The following MOGS variants were observed in gnomAD, a reference collection of about 807,000 sequenced individuals.
The protein encoded by MOGS is epididymis secretory sperm binding protein.
A neutral mutation model predicts 68.5 loss-of-function variants in MOGS; 45 were observed. The ratio of observed to expected loss-of-function variants is 0.66; its 90% CI spans 0.52 to 0.84. The LOEUF (loss-of-function observed/expected upper bound fraction) is 0.84, where lower values mean the gene tolerates loss of function less well. Ranked by LOEUF, MOGS falls within the 40% of genes least tolerant of loss-of-function variation. MOGS has a pLI of 0.00. For missense variants in MOGS, 1,020 were observed against 1,095.0 expected, an observed-to-expected ratio of 0.93 and a Z score of 0.97; for synonymous variants, 492 against 461.2, an observed-to-expected ratio of 1.07 and a Z score of -0.86.
rs990381125 is a variant in MOGS, at chr2:74,464,165, G to T, written c.579+331C>A. ...GTAGAGACGGTGTTTCTCCATTTTG[G>T]TCAGGCTGGTCTGGAACTCCTGACC... On this transcript the variant is annotated intron_variant, in intron 2 of 3. Coordinates refer to ENST00000448666, the MANE Select transcript of MOGS (RefSeq NM_006302.3). Among the ~76,000 whole-genome samples the T allele has an allele frequency of 2.4e-4, 36 of 150,142 alleles. 1 individual carries two copies. The highest frequency in any genetic ancestry group is 3.5e-4 in the Non-Finnish European group (24 of 67,858).
rs1671891165 is a variant in MOGS, at chr2:74,461,162, TGAG to T, written c.*110_*112del. On this transcript the variant is annotated 3_prime_UTR_variant, in exon 4 of 4. Coordinates refer to ENST00000448666, the MANE Select transcript of MOGS (RefSeq NM_006302.3). ...CAGCAAGGAGACACCTGAGATGAAA[TGAG>T]GAAGGTTTGAATTACTGGTATCCAA... 8.4e-7 allele frequency: 1 copy of T among 1,192,276 alleles called. No individual in the cohort carries two copies. Among genetic ancestry groups the T allele is most frequent in the South Asian group, 1.3e-5 (1 of 78,568 alleles). 73.9% of individuals were successfully genotyped at this position (1,192,276 alleles called of 1,614,324 possible).
At position 74,462,272 on chromosome 2, in the gene MOGS, C is replaced by T. The variant is rs757364620; in HGVS notation, c.1517G>A (p.Arg506Gln). 157 of 1,613,750 alleles carry T rather than the reference C, an allele frequency of 9.7e-5. No individual in the cohort carries two copies. The East Asian group carries it at 2.3e-3, about 24-fold the overall frequency. The part of the protein sequence containing the change: ...ARVPPEFLVQ[R>Q]AVHANPPTLL... ...GGTTGGGGGGTTGGCGTGGACTGCT[C>T]GTTGTACTAGGAATTCTGGAGGCAC... is the stretch of plus-strand genomic sequence containing the variant. The change falls in exon 4 of 4, where the codon CGA becomes CAA. Residue 506 changes from arginine (R) to glutamine (Q), a missense_variant. Transcript: ENST00000448666.
rs776724532 is a variant in MOGS, at chr2:74,462,779, T to C, written c.1010A>G (p.Glu337Gly). Reference protein sequence around the residue: ...KIPISIEFVFESGSAQAGGNQ... With the variant: ...KIPISIEFVFGSGSAQAGGNQ... ...TCCTCCTGCCTGGGCACTGCCTGATTCAAACACAAACTCTATGGAAATGGG... is the reference window on the plus strand; with the variant it reads ...TCCTCCTGCCTGGGCACTGCCTGATCCAAACACAAACTCTATGGAAATGGG... Residue 337 changes from glutamate to glycine, a missense_variant, in exon 4 of 4, where the codon GAA becomes GGA. Transcript: ENST00000448666. The C allele has an allele frequency of 6.8e-6, 11 of 1,614,108 alleles. No individual in the cohort carries two copies. The highest frequency in any genetic ancestry group is 9.3e-6 in the Non-Finnish European group (11 of 1,180,040).
rs940181898 is a variant in MOGS, at chr2:74,464,727, G to A, written c.353-5C>T. On this transcript the variant is annotated splice_polypyrimidine_tract_variant and splice_region_variant and intron_variant, in intron 1 of 3. Transcript: ENST00000448666. ...CCTGCTGCGCCCACATCAGTCCTGG[G>A]GGTAGAATGGCCACGTAAGTCAAAG... The A allele has an allele frequency of 3.1e-6, 5 of 1,608,842 alleles. No homozygotes were observed. Among genetic ancestry groups the A allele is most frequent in the Non-Finnish European group, 4.2e-6 (5 of 1,176,508 alleles).
At chr2:74,463,408 A>T (rs1399074022) in intron 2 of MOGS, 22 bp from the exon 3 acceptor site, 1 of 1,609,200 alleles carries the variant, frequency 6.2e-7, no homozygotes, top group Admixed American at 1.7e-5. Context: ...ACGAGGACAG[A>T]AAAGAACAGT....
In MOGS at chr2:74,465,199, G is replaced by C; in HGVS notation, c.49C>G (p.Arg17Gly). The C allele has an allele frequency of 6.5e-7, 1 of 1,528,666 alleles. No homozygotes were observed. Among genetic ancestry groups the C allele is most frequent in the South Asian group, 1.2e-5 (1 of 82,374 alleles). 94.7% of individuals were successfully genotyped at this position (1,528,666 alleles called of 1,614,324 possible). ...RRRAVPAEGV[R>G]TAERAARGGP... Reference sequence around the variant, plus strand: ...CCCCGAGCCGCCCTCTCGGCTGTCCGCACTCCCTCTGCCGGCACTGCGCGG... The same window carrying C: ...CCCCGAGCCGCCCTCTCGGCTGTCCCCACTCCCTCTGCCGGCACTGCGCGG... The change falls in exon 1 of 4, where the codon CGG (arginine) becomes GGG (glycine). Residue 17 changes from arginine (R) to glycine (G), a missense_variant. Coordinates refer to ENST00000448666, the MANE Select transcript of MOGS (RefSeq NM_006302.3).
In MOGS at chr2:74,463,222, G is replaced by T; in HGVS notation, c.744C>A (p.Thr248=). 2 of 1,614,128 alleles carry T rather than the reference G, an allele frequency of 1.2e-6. No individual in the cohort carries two copies. Among genetic ancestry groups the T allele is most frequent in the Non-Finnish European group, 1.7e-6 (2 of 1,180,030 alleles). The stretch of plus-strand genomic sequence containing the variant: ...ACTTGGGGGCTGTATCCCCTGGACT[G>T]GTTGGTGGCAAAAGTGTAAAGCGGA... The part of the protein sequence containing the change: ...GDFRFTLLPP[T]SPGDTAPKYG... The change falls in exon 3 of 4, where the codon ACC becomes ACA. Residue 248 remains threonine, a synonymous_variant. Transcript: ENST00000448666.
chr2:74,463,443 T>G, intron 2 of MOGS, 57 bp from the exon 3 acceptor site: 17 of 1,555,024 alleles, frequency 1.1e-5, no homozygotes, highest in Non-Finnish European at 1.5e-5. Flanking sequence ...CTCTCTTGAA[T>G]TCCCTCTTGA....
chr2:74,462,405 A>G lies in MOGS; in HGVS notation c.1384T>C (p.Trp462Arg). 1 of 1,613,858 alleles carries G rather than the reference A, an allele frequency of 6.2e-7. No homozygotes were observed. The highest frequency in any genetic ancestry group is 8.5e-7 in the Non-Finnish European group (1 of 1,179,890). The stretch of plus-strand genomic sequence containing the variant: ...GCTTCCCGGGTGAGGGAGGGATCCC[A>G]CCGCTGAACCACCAGCTGGTGAAAG... Reference protein sequence around the residue: ...EGFHQLVVQRWDPSLTREALG... With the variant: ...EGFHQLVVQRRDPSLTREALG... The change falls in exon 4 of 4, where the codon TGG becomes CGG. Residue 462 changes from tryptophan to arginine, a missense_variant. Physicochemically the swap from Trp to Arg is moderately radical, Grantham distance 101. This residue lies in a region of MOGS where 181 missense variants were observed against 261.8 expected (regional missense o/e 0.69). Transcript: ENST00000448666.
Position 74,462,381 on chromosome 2 carries a change from CTTCCCGGG to C in MOGS, c.1400_1407del (p.Thr467SerfsTer12), listed in dbSNP as rs1671940576. The C allele has an allele frequency of 6.2e-7, 1 of 1,614,144 alleles. No homozygotes were observed. ...AGCAGCCCCAGCCAGTGGCCAAGGG[CTTCCCGGG>C]TGAGGGAGGGATCCCACCGCTGAAC... On this transcript the variant is annotated frameshift_variant, in exon 4 of 4. Coordinates refer to ENST00000448666, the MANE Select transcript of MOGS (RefSeq NM_006302.3). LOFTEE classifies it high-confidence loss of function.
rs766723586 is a variant in MOGS at position 74,465,178 on chromosome 2, G to A, written c.70C>T (p.Arg24Trp). 19 of 1,532,714 alleles carry A rather than the reference G, an allele frequency of 1.2e-5. No homozygotes were observed. In the East Asian group the frequency reaches 4.0e-4, roughly 32 times the overall value. The allele number at this position is 1,532,714 out of a possible 1,614,324, so 94.9% of individuals were successfully genotyped here. The change falls in exon 1 of 4, where the codon CGG becomes TGG. Residue 24 changes from arginine to tryptophan, a missense_variant. Physicochemically the swap from Arg to Trp is moderately radical, Grantham distance 101. This residue lies in a region of MOGS where 569 missense variants were observed against 571.9 expected (regional missense o/e 0.99). Coordinates refer to ENST00000448666, the MANE Select transcript of MOGS (RefSeq NM_006302.3). ...EGVRTAERAA[R>W]GGPGRRDGRG... ...CCGTCCCGTCGCCCGGGGCCTCCCC[G>A]AGCCGCCCTCTCGGCTGTCCGCACT...
chr2:74,463,632 A>C, intron 2 of MOGS: 1 of 515,334 alleles, frequency 1.9e-6, no homozygotes, highest in Non-Finnish European at 3.5e-6. Flanking sequence ...CTACACTAAG[A>C]ACTCTACACA....
chr2:74,462,940 G>C lies in MOGS; in HGVS notation c.849C>G (p.Ser283Arg). ...CCCCTGGGGGCCGATGCTGAAACCAGCTATTTAGGCGACTCTTTACCATCT... is the reference window on the plus strand; with the variant it reads ...CCCCTGGGGGCCGATGCTGAAACCACCTATTTAGGCGACTCTTTACCATCT... Reference protein sequence around the residue: ...LTEMVKSRLNSWFQHRPPGAP... With the variant: ...LTEMVKSRLNRWFQHRPPGAP... Residue 283 changes from serine (S) to arginine (R), a missense_variant, in exon 4 of 4, where the codon AGC (serine) becomes AGG (arginine). By Grantham distance (110) the Ser-to-Arg change is moderately radical (BLOSUM62 -1). This residue lies in a region of MOGS where 569 missense variants were observed against 571.9 expected (regional missense o/e 0.99). Transcript: ENST00000448666. The C allele has an allele frequency of 6.2e-7, 1 of 1,614,216 alleles. No homozygotes were observed. The highest frequency in any genetic ancestry group is 8.5e-7 in the Non-Finnish European group (1 of 1,180,044).
chr2:74,461,102 T>C lies in MOGS; in HGVS notation c.*173A>G. On this transcript the variant is annotated 3_prime_UTR_variant, in exon 4 of 4. Coordinates refer to ENST00000448666, the MANE Select transcript of MOGS (RefSeq NM_006302.3). ...CCAATTTATTTAGAAAAATAGACTCTGGATTCACATTCACCCCAGGGCTAT... is the reference window on the plus strand; with the variant it reads ...CCAATTTATTTAGAAAAATAGACTCCGGATTCACATTCACCCCAGGGCTAT... The C allele has an allele frequency of 1.4e-6, 1 of 738,502 alleles. No homozygotes were observed. Among genetic ancestry groups the C allele is most frequent in the Non-Finnish European group, 2.2e-6 (1 of 449,908 alleles). The allele number at this position is 738,502 out of a possible 1,614,324, so 45.7% of individuals were successfully genotyped here.
intron 3 of MOGS, 70 bp downstream of exon 3, chr2:74,463,120 G>C (rs1671975444): frequency 6.2e-7 from 1 of 1,609,698 alleles, no homozygotes; most frequent in African/African-American, 1.3e-5. Flanking sequence ...CTCAGGCAGG[G>C]GACATGGAGA....
rs1671955281 is a variant in MOGS, at chr2:74,462,607, G to A, written c.1182C>T (p.Ala394=). The A allele has an allele frequency of 2.5e-6, 4 of 1,614,146 alleles. No individual in the cohort carries two copies. Among genetic ancestry groups the A allele is most frequent in the Non-Finnish European group, 3.4e-6 (4 of 1,180,034 alleles). Reference sequence around the variant, plus strand: ...CAATTCCACCAAGGAGGCCGCTGAGGGCAGCCTGACCCAAAACCTGCTCGC... The same window carrying A: ...CAATTCCACCAAGGAGGCCGCTGAGAGCAGCCTGACCCAAAACCTGCTCGC... ...SSGEQVLGQA[A]LSGLLGGIGY... The change falls in exon 4 of 4, where the codon GCC becomes GCT. Residue 394 remains alanine, a synonymous_variant. Coordinates refer to ENST00000448666, the MANE Select transcript of MOGS (RefSeq NM_006302.3).
intron 2 of MOGS, chr2:74,463,626 A>G (rs1671991242): frequency 5.6e-6 from 3 of 537,184 alleles, no homozygotes; most frequent in South Asian, 4.2e-5. Context: ...TATGTCCTAC[A>G]CTAAGAACTC....
In MOGS at chr2:74,461,515, G is replaced by T. The variant is rs780811063; in HGVS notation, c.2274C>A (p.Val758=). 2.5e-6 allele frequency: 4 copies of T among 1,613,984 alleles called. No homozygotes were observed. The highest frequency in any genetic ancestry group is 1.1e-5 in the South Asian group (1 of 91,072). The change falls in exon 4 of 4, where the codon GTC becomes GTA. Residue 758 remains valine (V), a synonymous_variant. Transcript: ENST00000448666. ...GGAGTGCTCCCAAAGCCAGGTAGTT[G>T]ACATTGAGCCACACAGCACCCCGCC... ...PYWRGAVWLN[V]NYLALGALHH...
At position 74,461,787 on chromosome 2, in the gene MOGS, G is replaced by A; in HGVS notation, c.2002C>T (p.Pro668Ser). ...ACCACCCGAACGAGCCCCTGAGGGGGCCTGGGCTTCAGCTGTACTGCTTTT... is the reference window on the plus strand; with the variant it reads ...ACCACCCGAACGAGCCCCTGAGGGGACCTGGGCTTCAGCTGTACTGCTTTT... ...HTKAVQLKPR[P>S]PQGLVRVVGR... The change falls in exon 4 of 4, where the codon CCC (proline) becomes TCC (serine). Residue 668 changes from proline (P) to serine (S), a missense_variant. Pro to Ser is a moderately conservative substitution (Grantham distance 74). Around this residue, in one of 3 missense-constraint regions of MOGS, gnomAD observed 270 missense variants for 261.3 expected, o/e 1.03. Coordinates refer to ENST00000448666, the MANE Select transcript of MOGS (RefSeq NM_006302.3). The A allele has an allele frequency of 1.2e-6, 2 of 1,614,222 alleles. No homozygotes were observed. The highest frequency in any genetic ancestry group is 2.2e-5 in the South Asian group (2 of 91,084).
Sources: gnomAD v4.1 joint callset for allele counts (sites outside exome capture counted in the v4.1 genomes callset) on GRCh38, gnomAD v4.1.1 for gene constraint, gnomAD v4.1.1 regional missense constraint, MANE v1.5 for transcripts, NCBI Gene and HGNC (gene_info 2026-07-23, HGNC 2026-07-21) for gene names.